ANKS1B: variants seen among roughly 807,000 people sequenced by gnomAD.
ANKS1B encodes the protein ankyrin repeat and sterile alpha motif domain containing 1B.
A neutral mutation model predicts 148.3 loss-of-function variants in ANKS1B; 36 were observed. The ratio of observed to expected loss-of-function variants is 0.24; its 90% CI spans 0.19 to 0.32. The LOEUF (loss-of-function observed/expected upper bound fraction) is 0.32, where lower values mean the gene tolerates loss of function less well. Among genes scored for constraint, ANKS1B ranks in the 10% least tolerant of loss-of-function variants. The pLI is 1.00. For synonymous variants in ANKS1B, 542 were observed against 560.8 expected (o/e 0.97, Z 0.47); for missense variants, 1,157 against 1,542.6 (o/e 0.75, Z 4.19).
At chr12:99,720,225 C>T (rs748447260) in intron 8 of ANKS1B, among the ~76,000 whole-genome samples, 2 of 152,212 alleles carry the variant, frequency 1.3e-5, no homozygotes, top group Admixed American at 6.5e-5. Flanking sequence ...ACATCAAGCT[C>T]GGGGATTTGC....
intron 17 of ANKS1B, among the ~76,000 whole-genome samples, chr12:98,988,994 A>T (rs935221678): frequency 2.6e-5 from 4 of 152,010 alleles, no homozygotes; most frequent in African/African-American, 7.2e-5. Context: ...AATTCCTTAT[A>T]TGTTTTGGAA....
intron 24 of ANKS1B, among the ~76,000 whole-genome samples, chr12:98,776,725 C>T (rs558033468): frequency 3.2e-4 from 48 of 152,302 alleles, no homozygotes; most frequent in Non-Finnish European, 5.7e-4. Flanking sequence ...CCTCATCAGC[C>T]GGGCTTTTCC....
chr12:98,889,184 A>C (rs1302249160), intron 17 of ANKS1B, among the ~76,000 whole-genome samples: 10 of 152,220 alleles, frequency 6.6e-5, no homozygotes, highest in Non-Finnish European at 1.3e-4. Context: ...TATATCTGCA[A>C]CAAAAATGCT....
intron 8 of ANKS1B, among the ~76,000 whole-genome samples, chr12:99,656,754 A>G (rs184135947): frequency 1.0e-5 from 1 of 97,636 alleles, no homozygotes; most frequent in Non-Finnish European, 2.9e-5. Context: ...GACTCAATTT[A>G]AAAAAAAAGA....
chr12:99,237,809 G>T (rs1041237200), intron 14 of ANKS1B, among the ~76,000 whole-genome samples: 2 of 152,286 alleles, frequency 1.3e-5, no homozygotes, highest in African/African-American at 2.4e-5. Context: ...TGAAGACAGG[G>T]TCTCACTATC....
At chr12:98,958,922 A>T (rs1009312185) in intron 17 of ANKS1B, among the ~76,000 whole-genome samples, 1 of 152,208 alleles carries the variant, frequency 6.6e-6, no homozygotes, top group Non-Finnish European at 1.5e-5. Flanking sequence ...GACTATCTTG[A>T]TTATGAAGCT....
chr12:99,149,994 G>A (rs146192804), intron 15 of ANKS1B, among the ~76,000 whole-genome samples: 3 of 152,236 alleles, frequency 2.0e-5, no homozygotes, highest in Non-Finnish European at 4.4e-5. Context: ...GGGAAATACT[G>A]TACTCCCCTT....
intron 17 of ANKS1B, among the ~76,000 whole-genome samples, chr12:98,995,447 T>TA (rs952986995): frequency 2.6e-5 from 4 of 151,642 alleles, no homozygotes; most frequent in South Asian, 2.1e-4. Context: ...TTTAAAAAAT[T>TA]AAAAAAAAGA....
rs544358698 is a variant in ANKS1B at position 99,405,880 on chromosome 12, A to C, written c.1576-6069T>G. 5.7e-4 allele frequency among the ~76,000 whole-genome samples: 83 copies of C among 145,664 alleles called. 9 individuals carry two copies. Among genetic ancestry groups the C allele is most frequent in the Non-Finnish European group, 1.1e-3 (70 of 65,844 alleles). On this transcript the variant is annotated intron_variant, in intron 11 of 26. Transcript: ENST00000683438. Reference sequence around the variant, plus strand: ...ATGCAAATAAAAATCAAAAAAGAGCAGTCGTAGCTATACTGATATGACAAA... The same window carrying C: ...ATGCAAATAAAAATCAAAAAAGAGCCGTCGTAGCTATACTGATATGACAAA...
intron 1 of ANKS1B, among the ~76,000 whole-genome samples, chr12:99,882,630 T>C (rs2092587622): frequency 1.3e-5 from 2 of 152,076 alleles, no homozygotes; most frequent in African/African-American, 2.4e-5. Context: ...TAATGGACTA[T>C]AGAGACTTGC....
At position 99,406,499 on chromosome 12, in the gene ANKS1B, A is replaced by G. The variant is rs1484291089; in HGVS notation, c.1576-6688T>C. 2.8e-5 allele frequency among the ~76,000 whole-genome samples: 4 copies of G among 145,362 alleles called. 1 individual carries two copies. Among genetic ancestry groups the G allele is most frequent in the African/African-American group, 5.2e-5 (2 of 38,316 alleles). On this transcript the variant is annotated intron_variant, in intron 11 of 26. Transcript: ENST00000683438. ...GCAAATGGTAATGAAAAGACAACAT[A>G]GCAAAACCTATGGGCTACAGCAAAA...
At chr12:99,390,642 C>T (rs1333711900) in intron 12 of ANKS1B, among the ~76,000 whole-genome samples, 2 of 152,158 alleles carry the variant, frequency 1.3e-5, no homozygotes, top group Non-Finnish European at 2.9e-5. Context: ...TTCCCAATCC[C>T]ATCTAGATTC....
At chr12:99,000,155 GAAC>G (rs1353078931) in intron 17 of ANKS1B, among the ~76,000 whole-genome samples, 4 of 151,820 alleles carry the variant, frequency 2.6e-5, no homozygotes, top group African/African-American at 9.7e-5. Context: ...TAATGTACAT[GAAC>G]AACAACAAAA....
intron 17 of ANKS1B, among the ~76,000 whole-genome samples, chr12:98,982,995 A>C (rs2099914702): frequency 6.6e-6 from 1 of 152,218 alleles, no homozygotes; most frequent in East Asian, 1.9e-4. Context: ...TTCTGCCACC[A>C]ACTGTGTGTA....
At chr12:99,281,026 C>A (rs1374860759) in intron 12 of ANKS1B, among the ~76,000 whole-genome samples, 1 of 152,038 alleles carries the variant, frequency 6.6e-6, no homozygotes, top group African/African-American at 2.4e-5. Flanking sequence ...ACCCCTTCCA[C>A]AGAGAATCCT....
At chr12:99,888,014 C>T (rs984221152) in intron 1 of ANKS1B, among the ~76,000 whole-genome samples, 1 of 152,180 alleles carries the variant, frequency 6.6e-6, no homozygotes, top group African/African-American at 2.4e-5. Context: ...AGCATATCTG[C>T]TCCCTTCAGA....
At chr12:99,280,737 G>A (rs760427765) in intron 12 of ANKS1B, among the ~76,000 whole-genome samples, 1 of 152,130 alleles carries the variant, frequency 6.6e-6, no homozygotes, top group Non-Finnish European at 1.5e-5. Flanking sequence ...TCTGCTTTCA[G>A]ACTTGGATGG....
chr12:98,898,646 T>C (rs570766242), intron 17 of ANKS1B, among the ~76,000 whole-genome samples: 2 of 152,212 alleles, frequency 1.3e-5, no homozygotes, highest in African/African-American at 4.8e-5. Context: ...TAATTTCATT[T>C]TTTTGCTTAA....
At chr12:99,293,764 A>C (rs914802875) in intron 12 of ANKS1B, among the ~76,000 whole-genome samples, 1 of 152,230 alleles carries the variant, frequency 6.6e-6, no homozygotes, top group East Asian at 1.9e-4. Context: ...CAATATTTGC[A>C]AACTATTCAT....
Sources: gnomAD v4.1 joint callset for allele counts (sites outside exome capture counted in the v4.1 genomes callset) on GRCh38, gnomAD v4.1.1 for gene constraint, MANE v1.5 for transcripts, NCBI Gene and HGNC (gene_info 2026-07-23, HGNC 2026-07-21) for gene names.